The following CSMD1 variants were observed in gnomAD, a reference collection of about 807,000 sequenced individuals.
CSMD1 encodes CUB and Sushi multiple domains 1.
A neutral mutation model predicts 417.5 loss-of-function variants in CSMD1; 213 were observed. The ratio of observed to expected loss-of-function variants is 0.51; its 90% CI spans 0.46 to 0.57. CSMD1 has a LOEUF of 0.57. CSMD1 is among the 20% of genes least tolerant of loss of function. The pLI is 0.00. For synonymous variants in CSMD1, 2,862 were observed against 1,736.8 expected, an observed-to-expected ratio of 1.65 and a Z score of -16.11; for missense variants, 6,923 against 4,529.7, an observed-to-expected ratio of 1.53 and a Z score of -15.17.
At chr8:3,092,477 T>C (rs1282905041) in intron 47 of CSMD1, among the ~76,000 whole-genome samples, 3 of 152,200 alleles carry the variant, frequency 2.0e-5, no homozygotes, top group Admixed American at 1.3e-4. Flanking sequence ...ACTAACTTCC[T>C]CTAGGAGAGG....
At chr8:4,550,425 G>C (rs1247733674) in intron 2 of CSMD1, among the ~76,000 whole-genome samples, 2 of 150,614 alleles carry the variant, frequency 1.3e-5, no homozygotes, top group Admixed American at 1.3e-4. Flanking sequence ...CTCATTTCTT[G>C]GCTATTAAAA....
chr8:3,908,070 G>A (rs545603367), intron 5 of CSMD1, among the ~76,000 whole-genome samples: 2 of 152,248 alleles, frequency 1.3e-5, no homozygotes, highest in African/African-American at 2.4e-5. Context: ...TCAAATTGCA[G>A]TCACTGGAGG....
chr8:3,620,960 G>T (rs954455706), intron 7 of CSMD1, among the ~76,000 whole-genome samples: 1 of 152,156 alleles, frequency 6.6e-6, no homozygotes, highest in Non-Finnish European at 1.5e-5. Context: ...AGACTTTAAA[G>T]AGGTAATTAA....
At chr8:3,723,206 G>T (rs1802287026) in intron 6 of CSMD1, among the ~76,000 whole-genome samples, 1 of 152,122 alleles carries the variant, frequency 6.6e-6, no homozygotes. Context: ...GAAGCTTGTG[G>T]CCATGGACCC....
intron 14 of CSMD1, among the ~76,000 whole-genome samples, chr8:3,407,490 T>A (rs1812426474): frequency 6.6e-6 from 1 of 151,466 alleles, no homozygotes; most frequent in Non-Finnish European, 1.5e-5. Context: ...CATGGATGGA[T>A]GAAATGATGG....
intron 2 of CSMD1, among the ~76,000 whole-genome samples, chr8:4,429,168 A>T (rs934887767): frequency 6.6e-6 from 1 of 150,654 alleles, no homozygotes; most frequent in Non-Finnish European, 1.5e-5. Context: ...TATAATATAT[A>T]TTTATATAAT....
intron 2 of CSMD1, among the ~76,000 whole-genome samples, chr8:4,423,700 G>T (rs79928372): frequency 6.6e-6 from 1 of 151,258 alleles, no homozygotes; most frequent in African/African-American, 2.4e-5. Context: ...TATATAGCAA[G>T]ATCTTTCTAA....
intron 3 of CSMD1, among the ~76,000 whole-genome samples, chr8:4,143,116 T>C (rs926277008): frequency 7.2e-6 from 1 of 138,420 alleles, no homozygotes; most frequent in Non-Finnish European, 1.6e-5. Flanking sequence ...TGGGAAACTA[T>C]GGAGGATTGG....
intron 3 of CSMD1, among the ~76,000 whole-genome samples, chr8:4,106,494 G>C (rs1801575208): frequency 6.6e-6 from 1 of 152,022 alleles, no homozygotes; most frequent in Admixed American, 6.6e-5. Flanking sequence ...GAGTAACCCT[G>C]TTCAATAGAA....
intron 5 of CSMD1, among the ~76,000 whole-genome samples, chr8:3,786,537 G>A (rs548870036): frequency 7.2e-5 from 11 of 152,290 alleles, no homozygotes; most frequent in East Asian, 3.9e-4. Flanking sequence ...CACAGCTCCC[G>A]AGTAATCATG....
At chr8:4,242,224 T>C (rs1291561671) in intron 3 of CSMD1, among the ~76,000 whole-genome samples, 1 of 152,172 alleles carries the variant, frequency 6.6e-6, no homozygotes, top group Non-Finnish European at 1.5e-5. Context: ...TGATGGAAAT[T>C]AGATAAGAAA....
intron 3 of CSMD1, among the ~76,000 whole-genome samples, chr8:4,164,135 G>C (rs146005525): frequency 1.6e-4 from 24 of 151,680 alleles, no homozygotes; most frequent in African/African-American, 5.6e-4. Context: ...ATACCTGATA[G>C]TGTTCTCTTA....
At chr8:4,718,232 C>T (rs1162630321) in intron 1 of CSMD1, among the ~76,000 whole-genome samples, 1 of 152,194 alleles carries the variant, frequency 6.6e-6, no homozygotes, top group Non-Finnish European at 1.5e-5. Flanking sequence ...CTGTCTCAGC[C>T]TCCCAAAATG....
At chr8:4,599,757 A>C (rs1458346389) in intron 2 of CSMD1, among the ~76,000 whole-genome samples, 1 of 152,228 alleles carries the variant, frequency 6.6e-6, no homozygotes, top group East Asian at 1.9e-4. Flanking sequence ...AATGGTAACA[A>C]TAATTCTCAC....
At chr8:4,731,730 C>A (rs1324758021) in intron 1 of CSMD1, among the ~76,000 whole-genome samples, 1 of 152,126 alleles carries the variant, frequency 6.6e-6, no homozygotes, top group Non-Finnish European at 1.5e-5. Context: ...CCAGGAACAG[C>A]AGCCACAGCA....
At chr8:4,198,217 G>A (rs1334008428) in intron 3 of CSMD1, among the ~76,000 whole-genome samples, 2 of 152,210 alleles carry the variant, frequency 1.3e-5, no homozygotes, top group African/African-American at 4.8e-5. Flanking sequence ...CAAATACAAA[G>A]AGGTGCGGAG....
intron 3 of CSMD1, among the ~76,000 whole-genome samples, chr8:4,332,584 CACACACACACACACACACACACAG>C (rs1171343841): frequency 6.3e-5 from 9 of 143,488 alleles, no homozygotes; most frequent in African/African-American, 2.6e-4. Flanking sequence ...CACACACACA[CACACACACACACACACACACACAG>C]AGTCATATGC....
chr8:3,849,574 C>T (rs1315870951), intron 5 of CSMD1, among the ~76,000 whole-genome samples: 1 of 152,124 alleles, frequency 6.6e-6, no homozygotes, highest in Non-Finnish European at 1.5e-5. Context: ...ATGAGTTCAG[C>T]TAATGCTCCA....
At chr8:3,347,299 T>C (rs56024389) in intron 22 of CSMD1, among the ~76,000 whole-genome samples, 6,091 of 152,304 alleles carry the variant, frequency 0.04, 190 homozygotes, top group East Asian at 0.15. Flanking sequence ...TCCCAATTTA[T>C]TGAAATACTT....
Sources: gnomAD v4.1 joint callset for allele counts (sites outside exome capture counted in the v4.1 genomes callset) on GRCh38, gnomAD v4.1.1 for gene constraint, MANE v1.5 for transcripts, NCBI Gene and HGNC (gene_info 2026-07-23, HGNC 2026-07-21) for gene names.